Variants in TENM1 observed in about 807,000 individuals in gnomAD.
The protein encoded by TENM1 is teneurin-1.
TENM1 carries 35 observed loss-of-function variants against 174.8 expected under a neutral mutation model. That is an observed-to-expected ratio of 0.20 (90% CI 0.15 to 0.27). TENM1 has a LOEUF of 0.27. TENM1 is among the 10% of genes least tolerant of loss of function. The pLI, the probability that TENM1 is intolerant of heterozygous loss-of-function variation, is 1.00. For synonymous variants in TENM1, 781 were observed against 798.7 expected, an observed-to-expected ratio of 0.98 and a Z score of 0.37; for missense variants, 1,633 against 2,130.1, an observed-to-expected ratio of 0.77 and a Z score of 4.59.
intron 1 of TENM1, among the ~76,000 whole-genome samples, chrX:124,935,402 T>C (rs1416035265): frequency 9.0e-6 from 1 of 111,617 alleles, no homozygotes; most frequent in Non-Finnish European, 1.9e-5. Flanking sequence ...CTTTTGAACT[T>C]AACTCAGATG....
At chrX:124,659,885 A>T (rs1389056259) in intron 6 of TENM1, among the ~76,000 whole-genome samples, 2 of 111,586 alleles carry the variant, frequency 1.8e-5, no homozygotes, top group Non-Finnish European at 3.8e-5. Flanking sequence ...GGAAAGAATA[A>T]TACTTTCAAC....
At chrX:124,628,680 T>C (rs2050692475) in intron 11 of TENM1, among the ~76,000 whole-genome samples, 1 of 111,378 alleles carries the variant, frequency 9.0e-6, no homozygotes, top group Non-Finnish European at 1.9e-5. Context: ...TAATTGATCA[T>C]TTTTCCCTCT....
chrX:124,913,959 C>T (rs769589156), intron 1 of TENM1, among the ~76,000 whole-genome samples: 1 of 111,893 alleles, frequency 8.9e-6, no homozygotes, highest in South Asian at 3.8e-4. Context: ...TAATACTGAA[C>T]AATAGCTTCC....
At chrX:124,910,278 C>T (rs1047492161) in intron 1 of TENM1, among the ~76,000 whole-genome samples, 3 of 112,036 alleles carry the variant, frequency 2.7e-5, no homozygotes, top group Admixed American at 9.4e-5. Flanking sequence ...TTATATTATC[C>T]AAATCCTTAT....
chrX:124,470,729 T>C (rs1223190193), intron 22 of TENM1, among the ~76,000 whole-genome samples: 6 of 110,789 alleles, frequency 5.4e-5, no homozygotes, highest in African/African-American at 2.0e-4. Context: ...ACTTACGGTA[T>C]TGCCCCTTCA....
chrX:124,923,922 A>C (rs2058057123), intron 1 of TENM1, among the ~76,000 whole-genome samples: 1 of 112,296 alleles, frequency 8.9e-6, no homozygotes, highest in Non-Finnish European at 1.9e-5. Flanking sequence ...GACTCATTTC[A>C]TACTTCTGAC....
chrX:124,655,191 C>T (rs2051410184), intron 6 of TENM1, among the ~76,000 whole-genome samples: 1 of 111,343 alleles, frequency 9.0e-6, no homozygotes, highest in Non-Finnish European at 1.9e-5. Flanking sequence ...CAAAGCTAAC[C>T]CCGTGATTGT....
intron 3 of TENM1, among the ~76,000 whole-genome samples, chrX:124,872,175 A>G (rs918359668): frequency 9.0e-6 from 1 of 110,813 alleles, no homozygotes; most frequent in East Asian, 2.8e-4. Context: ...GAATTTCTTC[A>G]TGGAATGGGA....
At chrX:124,809,843 G>GGAGAGAGAGAGAGAGA (rs4027522) in intron 3 of TENM1, among the ~76,000 whole-genome samples, 61 of 78,665 alleles carry the variant, frequency 7.8e-4, no homozygotes, top group African/African-American at 2.3e-3. Flanking sequence ...CATGACAGCA[G>GGAGAGAGAGAGAGAGA]GAGAGAGAGA....
chrX:124,709,077 G>C (rs192540813), intron 4 of TENM1, among the ~76,000 whole-genome samples: 2 of 111,624 alleles, frequency 1.8e-5, no homozygotes, highest in African/African-American at 6.5e-5. Flanking sequence ...GGAGTAGAGC[G>C]GTGATAATAG....
At chrX:124,641,643 T>G in intron 11 of TENM1, 148 bp downstream of exon 14, 1 of 499,860 alleles carries the variant, frequency 2.0e-6, no homozygotes, top group Non-Finnish European at 3.4e-6. Context: ...TAAATAAAAA[T>G]GCAGTAAAAT....
intron 6 of TENM1, among the ~76,000 whole-genome samples, chrX:124,665,419 A>G (rs908795412): frequency 3.7e-4 from 41 of 111,788 alleles, no homozygotes; most frequent in African/African-American, 1.3e-3. Flanking sequence ...GTATTTTACA[A>G]TTGTAAATGC....
At chrX:124,886,667 C>A (rs1404036817) in intron 3 of TENM1, among the ~76,000 whole-genome samples, 2 of 101,328 alleles carry the variant, frequency 2.0e-5, no homozygotes, top group African/African-American at 7.1e-5. Context: ...AACACACACA[C>A]AATGCACCTA....
At chrX:124,973,125 T>C in the TENM1 span, among the ~76,000 whole-genome samples, 1 of 111,992 alleles carries the variant, frequency 8.9e-6, no homozygotes, top group Non-Finnish European at 1.9e-5. Flanking sequence ...TGCCTATGGC[T>C]AGCCAGTTTT....
Position 124,952,071 on chromosome X carries a change from A to G in TENM1, c.217+11466T>C, listed in dbSNP as rs759614907. Among the ~76,000 whole-genome samples the G allele has an allele frequency of 8.5e-4, 94 of 111,035 alleles. 1 individual carries two copies. The highest frequency in any genetic ancestry group is 1.6e-3 in the Non-Finnish European group (86 of 53,004). On this transcript the variant is annotated intron_variant, in intron 1 of 31. Coordinates refer to ENST00000422452, the Ensembl canonical transcript of TENM1. The stretch of plus-strand genomic sequence containing the variant: ...CCTAGAGGTAGTCTGAAGGAAACCA[A>G]TAAGAAACATAAAGCTTGCCAACCA...
At chrX:125,160,565 AAAAAC>A in the TENM1 span, among the ~76,000 whole-genome samples, 3 of 105,493 alleles carry the variant, frequency 2.8e-5, no homozygotes, top group Non-Finnish European at 3.9e-5. Flanking sequence ...AAAAAAAAAA[AAAAAC>A]AGAGAGAGAG....
the TENM1 span, among the ~76,000 whole-genome samples, chrX:125,146,997 A>C: frequency 9.0e-6 from 1 of 110,836 alleles, no homozygotes; most frequent in Non-Finnish European, 1.9e-5. Context: ...TATAAGACAC[A>C]TATGAAATAT....
chrX:124,862,643 T>C (rs752646872), intron 3 of TENM1, among the ~76,000 whole-genome samples: 3 of 111,278 alleles, frequency 2.7e-5, no homozygotes, highest in African/African-American at 9.8e-5. Context: ...ACCTCACCAC[T>C]GAGGGCTACA....
At chrX:124,726,721 C>G (rs2053449867) in intron 4 of TENM1, among the ~76,000 whole-genome samples, 1 of 111,305 alleles carries the variant, frequency 9.0e-6, no homozygotes, top group Non-Finnish European at 1.9e-5. Context: ...TCTATTTTTC[C>G]ATTGCAAATG....
Sources: allele counts gnomAD v4.1 joint callset (sites outside exome capture counted in the v4.1 genomes callset), GRCh38; gene constraint gnomAD v4.1.1; transcripts MANE v1.5; gene names NCBI Gene and HGNC (gene_info 2026-07-23, HGNC 2026-07-21).